The following ARIH1 variants were observed in gnomAD, a reference collection of about 807,000 sequenced individuals.
The protein encoded by ARIH1 is E3 ubiquitin-protein ligase ARIH1.
In ARIH1, 8 loss-of-function variants were observed where a neutral mutation model predicts 85.0. The ratio of observed to expected loss-of-function variants is 0.09; its 90% CI spans 0.06 to 0.17. The LOEUF (loss-of-function observed/expected upper bound fraction) is 0.17. ARIH1 is among the 10% of genes least tolerant of loss of function. The probability of loss-of-function intolerance (pLI) is 1.00; values close to 1 mark genes in which losing one functional copy is unlikely to be tolerated. For synonymous variants in ARIH1, 238 were observed against 253.6 expected, an observed-to-expected ratio of 0.94 and a Z score of 0.59; for missense variants, 311 against 718.1, an observed-to-expected ratio of 0.43 and a Z score of 6.48.
At chr15:72,520,652 A>G (rs745456670) in intron 2 of ARIH1, among the ~76,000 whole-genome samples, 3 of 152,124 alleles carry the variant, frequency 2.0e-5, no homozygotes, top group African/African-American at 2.4e-5. Flanking sequence ...AAATTTATAT[A>G]TGTATTCTAT....
At chr15:72,480,532 A>G (rs2063812254) in intron 1 of ARIH1, among the ~76,000 whole-genome samples, 1 of 151,212 alleles carries the variant, frequency 6.6e-6, no homozygotes, top group African/African-American at 2.4e-5. Flanking sequence ...GAGTGTTGGG[A>G]TTATAGGCAT....
intron 5 of ARIH1, among the ~76,000 whole-genome samples, chr15:72,559,461 G>T (rs1051547950): frequency 1.3e-5 from 2 of 151,872 alleles, no homozygotes; most frequent in South Asian, 4.2e-4. Flanking sequence ...TAGTAGAGAC[G>T]AGGTTTCACC....
At chr15:72,482,017 G>A (rs764818588) in intron 1 of ARIH1, among the ~76,000 whole-genome samples, 1 of 151,940 alleles carries the variant, frequency 6.6e-6, no homozygotes, top group Non-Finnish European at 1.5e-5. Flanking sequence ...TGTATTTTTG[G>A]TAGAGACGGG....
At chr15:72,520,193 T>C (rs1442491539) in intron 2 of ARIH1, among the ~76,000 whole-genome samples, 3 of 152,232 alleles carry the variant, frequency 2.0e-5, no homozygotes, top group Admixed American at 2.0e-4. Context: ...TGTGAACGTT[T>C]CAGTTTCTCC....
At position 72,579,765 on chromosome 15, in the gene ARIH1, C is replaced by T. The variant is rs1213442302; in HGVS notation, c.1216-966C>T. On this transcript the variant is annotated intron_variant, in intron 11 of 13. Coordinates refer to ENST00000379887, the MANE Select transcript of ARIH1 (RefSeq NM_005744.5). ...GTAGATGTCTATTCCTGATTTTAGC[C>T]TAGATCACAGTACTGTTTCATCAGT... Among the ~76,000 whole-genome samples, 5 of 152,048 alleles carry T rather than the reference C, an allele frequency of 3.3e-5. No homozygotes were observed. The East Asian group carries it at 9.6e-4, about 29-fold the overall frequency.
At position 72,599,915 on chromosome 15, in the gene ARIH1, C is replaced by T. The variant is rs982476477; in HGVS notation, c.*16623C>T. On this transcript the variant is annotated 3_prime_UTR_variant, in exon 14 of 14. Coordinates refer to ENST00000379887, the MANE Select transcript of ARIH1 (RefSeq NM_005744.5). ...ATCAAGAATAGGCATACTGAAAATC[C>T]TCCATGAAGTCCAGTGAAGCTTCAT... 5 of 152,056 alleles carry T rather than the reference C, an allele frequency of 3.3e-5. No homozygotes were observed. The highest frequency in any genetic ancestry group is 5.9e-5 in the Non-Finnish European group (4 of 68,012). The allele number at this position is 152,056 out of a possible 1,614,324, so 9.4% of individuals were successfully genotyped here.
chr15:72,594,658 G>A lies in ARIH1; in HGVS notation c.*11366G>A, dbSNP rs545848933. On this transcript the variant is annotated 3_prime_UTR_variant, in exon 14 of 14. Coordinates refer to ENST00000379887, the MANE Select transcript of ARIH1 (RefSeq NM_005744.5). ...GTGCCAGTGTGCCTGGCTGATTTTT[G>A]TATGCTGATCTTGAATCGTGCCACC... is the stretch of plus-strand genomic sequence containing the variant. 1.2e-4 allele frequency: 18 copies of A among 152,024 alleles called. No homozygotes were observed. Among genetic ancestry groups the A allele is most frequent in the African/African-American group, 4.3e-4 (18 of 41,460 alleles). 9.4% of individuals were successfully genotyped at this position (152,024 alleles called of 1,614,324 possible).
intron 2 of ARIH1, among the ~76,000 whole-genome samples, chr15:72,536,496 A>C (rs1468534626): frequency 6.6e-6 from 1 of 152,140 alleles, no homozygotes; most frequent in African/African-American, 2.4e-5. Flanking sequence ...AAGCTTTTTG[A>C]TTAGCAAAAT....
At chr15:72,571,979 A>T in intron 10 of ARIH1, 129 bp from the exon 11 acceptor site, 1 of 653,862 alleles carries the variant, frequency 1.5e-6, no homozygotes, top group Non-Finnish European at 2.6e-6. Flanking sequence ...TTAACATCTC[A>T]ATTTCTCTGT....
intron 5 of ARIH1, among the ~76,000 whole-genome samples, chr15:72,556,298 CAAAG>C (rs1292570187): frequency 3.9e-5 from 6 of 152,316 alleles, no homozygotes; most frequent in African/African-American, 1.2e-4. Flanking sequence ...TGTTAAAAGA[CAAAG>C]AAGGAAGATT....
intron 12 of ARIH1, 131 bp downstream of exon 12, chr15:72,581,122 A>C (rs1170901966): frequency 5.2e-6 from 5 of 961,788 alleles, no homozygotes; most frequent in Non-Finnish European, 7.5e-6. Context: ...TGTATTTATT[A>C]CAAAGATACA....
chr15:72,535,240 C>T (rs1036404054), intron 2 of ARIH1, among the ~76,000 whole-genome samples: 2 of 152,064 alleles, frequency 1.3e-5, no homozygotes, highest in African/African-American at 2.4e-5. Flanking sequence ...CGTGAGCCAC[C>T]GCGCCCGGCC....
intron 11 of ARIH1, among the ~76,000 whole-genome samples, chr15:72,574,315 A>G (rs903260592): frequency 7.2e-5 from 11 of 152,216 alleles, no homozygotes; most frequent in Non-Finnish European, 1.2e-4. Context: ...AAGATTTCCT[A>G]TCACTCCATT....
chr15:72,474,772 G>A lies in ARIH1; in HGVS notation c.133G>A (p.Val45Met). 6.5e-7 allele frequency: 1 copy of A among 1,531,798 alleles called. No individual in the cohort carries two copies. The highest frequency in any genetic ancestry group is 1.2e-5 in the South Asian group (1 of 81,368). The allele number at this position is 1,531,798 out of a possible 1,614,324, so 94.9% of individuals were successfully genotyped here. ...CGATGATACCCTGGATCTGGGCGAG[G>A]TGGAGCTGGTGGAGCCCGGGCTGGG... is the stretch of plus-strand genomic sequence containing the variant. ...PDDDTLDLGEVELVEPGLGVG... is the reference protein window; with the variant it reads ...PDDDTLDLGEMELVEPGLGVG... Residue 45 changes from valine (V) to methionine (M), a missense_variant, in exon 1 of 14, where the codon GTG (valine) becomes ATG (methionine). Val to Met is a conservative substitution (Grantham distance 21, BLOSUM62 1). Transcript: ENST00000379887.
chr15:72,576,755 A>G (rs2064273352), intron 11 of ARIH1, among the ~76,000 whole-genome samples: 1 of 152,064 alleles, frequency 6.6e-6, no homozygotes, highest in African/African-American at 2.4e-5. Context: ...ATCTCTAAAG[A>G]CAGACTCTCT....
At chr15:72,505,569 G>A (rs897781131) in intron 1 of ARIH1, among the ~76,000 whole-genome samples, 4 of 151,990 alleles carry the variant, frequency 2.6e-5, no homozygotes, top group African/African-American at 9.7e-5. Flanking sequence ...TCTATACTTG[G>A]TATTTCTGTT....
At chr15:72,508,509 C>G (rs1249927213) in intron 1 of ARIH1, among the ~76,000 whole-genome samples, 12 of 152,142 alleles carry the variant, frequency 7.9e-5, no homozygotes, top group Non-Finnish European at 1.6e-4. Flanking sequence ...TATCCTGGAC[C>G]AAGACACTTA....
intron 11 of ARIH1, among the ~76,000 whole-genome samples, chr15:72,572,761 G>T (rs2064254389): frequency 6.6e-6 from 1 of 152,164 alleles, no homozygotes; most frequent in Non-Finnish European, 1.5e-5. Flanking sequence ...TTTGTTAAAT[G>T]GCCCTGGTGC....
intron 1 of ARIH1, among the ~76,000 whole-genome samples, chr15:72,492,994 T>C (rs2063865504): frequency 6.6e-6 from 1 of 152,180 alleles, no homozygotes; most frequent in Non-Finnish European, 1.5e-5. Context: ...AGGATCCTAA[T>C]GGTTATCCTA....
Sources: gnomAD v4.1 joint callset for allele counts (sites outside exome capture counted in the v4.1 genomes callset) on GRCh38, gnomAD v4.1.1 for gene constraint, MANE v1.5 for transcripts, NCBI Gene and HGNC (gene_info 2026-07-23, HGNC 2026-07-21) for gene names.